The following PRSS37 variants were observed in gnomAD, a reference collection of about 807,000 sequenced individuals.
PRSS37 encodes probable inactive serine protease 37.
A neutral mutation model predicts 28.0 loss-of-function variants in PRSS37; 25 were observed. The ratio of observed to expected loss-of-function variants is 0.89; its 90% confidence interval spans 0.65 to 1.25. PRSS37 has a LOEUF of 1.25. PRSS37 is among the 50% of genes most tolerant of loss of function. The probability of loss-of-function intolerance (pLI) is 0.00; values close to 1 mark genes in which losing one functional copy is unlikely to be tolerated. For synonymous variants in PRSS37, 109 were observed against 107.8 expected (o/e 1.01, Z -0.07); for missense variants, 282 against 292.2 (o/e 0.97, Z 0.25).
Position 141,841,028 on chromosome 7 carries a change from C to T in PRSS37, c.22G>A (p.Gly8Ser). Residue 8 changes from glycine (G) to serine (S), a missense_variant, in exon 1 of 5, where the codon GGT (glycine) becomes AGT (serine). Coordinates refer to ENST00000350549, the MANE Select transcript of PRSS37 (RefSeq NM_001008270.3). MKYVFYL[G>S]VLAGTFFFAD... ...CTTGAGTACATACCAGCGAGGACACCCAAATAGAAGACATATTTCATGGTG... is the reference window on the plus strand; with the variant it reads ...CTTGAGTACATACCAGCGAGGACACTCAAATAGAAGACATATTTCATGGTG... The T allele has an allele frequency of 6.2e-7, 1 of 1,613,746 alleles. No homozygotes were observed. Among genetic ancestry groups the T allele is most frequent in the Non-Finnish European group, 8.5e-7 (1 of 1,179,732 alleles).
At chr7:141,839,696 A>G (rs1178365916) in intron 1 of PRSS37, among the ~76,000 whole-genome samples, 1 of 152,152 alleles carries the variant, frequency 6.6e-6, no homozygotes, top group Non-Finnish European at 1.5e-5. Context: ...ATAATATTCA[A>G]TCTAAGAGAG....
In PRSS37 at chr7:141,841,215, G is replaced by C; in HGVS notation, c.-166C>G. 6.9e-7 allele frequency: 1 copy of C among 1,440,430 alleles called. No homozygotes were observed. The highest frequency in any genetic ancestry group is 9.2e-7 in the Non-Finnish European group (1 of 1,085,294). 89.2% of individuals were successfully genotyped at this position (1,440,430 alleles called of 1,614,324 possible). ...CAGCTCTGGGCATAAACAGGGGAGG[G>C]AGATGGCTTCAGAGAGACAGATGAA... On this transcript the variant is annotated 5_prime_UTR_variant, in exon 1 of 5. Transcript: ENST00000350549.
Position 141,838,095 on chromosome 7 carries a change from C to T in PRSS37, c.195G>A (p.Leu65=). The T allele has an allele frequency of 1.9e-6, 3 of 1,614,042 alleles. No homozygotes were observed. The highest frequency in any genetic ancestry group is 2.2e-5 in the South Asian group (2 of 91,074). ...CTCTGACTCTGCTCTTGAAATTTCC[C>T]AGCATCACTTTCAGATTTCTGGAGG... ...HCYLPNLKVM[L]GNFKSRVRDG... The change falls in exon 3 of 5, where the codon CTG becomes CTA. Residue 65 remains leucine, a synonymous_variant. Coordinates refer to ENST00000350549, the MANE Select transcript of PRSS37 (RefSeq NM_001008270.3).
At position 141,836,423 on chromosome 7, in the gene PRSS37, C is replaced by T; in HGVS notation, c.680G>A (p.Trp227Ter). The T allele has an allele frequency of 6.2e-7, 1 of 1,614,130 alleles. No homozygotes were observed. The change falls in exon 5 of 5, where the codon TGG becomes TAG. Residue 227 changes from tryptophan to a stop codon, truncating the protein, a stop_gained. Transcript: ENST00000350549. LOFTEE classifies it high-confidence loss of function. ...CTTGTCCTTAGCAGTGTTCTCAATC[C>T]AGGATACATATTTGTAAACATTGGT... is the stretch of plus-strand genomic sequence containing the variant. ...IYTNVYKYVS[W>*]IENTAKDK is the part of the protein sequence containing the mutation.
intron 2 of PRSS37, 23 bp downstream of exon 2, chr7:141,839,315 A>G: frequency 6.2e-7 from 1 of 1,612,424 alleles, no homozygotes; most frequent in Non-Finnish European, 8.5e-7. Context: ...TGTTTTGGGG[A>G]TGGGGATGCC....
chr7:141,839,551 G>T (rs1801090866), intron 1 of PRSS37, 72 bp from the exon 2 acceptor site: 5 of 1,207,662 alleles, frequency 4.1e-6, no homozygotes, highest in Non-Finnish European at 5.9e-6. Context: ...ACTTGAAAAG[G>T]AATCTGGATG....
rs1337742431 is a variant in PRSS37 at position 141,836,669 on chromosome 7, CAG to C, written c.568-136_568-135del. 7 of 929,242 alleles carry C rather than the reference CAG, an allele frequency of 7.5e-6. No homozygotes were observed. In the Admixed American group the frequency reaches 8.6e-5, roughly 11 times the overall value. The allele number at this position is 929,242 out of a possible 1,614,324, so 57.6% of individuals were successfully genotyped here. On this transcript the variant is annotated intron_variant, in intron 4 of 4. Coordinates refer to ENST00000350549, the MANE Select transcript of PRSS37 (RefSeq NM_001008270.3). ...TGGACTCTTGAAAAGAGCACCGAATCAGGGGACAGGATGCTTGAGCCTTTTTT... is the reference window on the plus strand; with the variant it reads ...TGGACTCTTGAAAAGAGCACCGAATCGGGACAGGATGCTTGAGCCTTTTTT...
intron 2 of PRSS37, 76 bp downstream of exon 2, chr7:141,839,262 G>A: frequency 6.7e-7 from 1 of 1,483,814 alleles, no homozygotes; most frequent in Non-Finnish European, 9.3e-7. Context: ...CTGTAGAGAA[G>A]TTACCCTTAT....
intron 3 of PRSS37, 86 bp from the exon 4 acceptor site, chr7:141,837,334 A>G: frequency 3.4e-6 from 5 of 1,449,298 alleles, no homozygotes; most frequent in Non-Finnish European, 4.7e-6. Flanking sequence ...TTCAACTGGT[A>G]TCTTTTTGTG....
In PRSS37 at chr7:141,836,438, T is replaced by TA; in HGVS notation, c.664dup (p.Tyr222LeufsTer8). 1 of 1,614,168 alleles carries TA rather than the reference T, an allele frequency of 6.2e-7. No homozygotes were observed. The highest frequency in any genetic ancestry group is 8.5e-7 in the Non-Finnish European group (1 of 1,180,018). On this transcript the variant is annotated frameshift_variant, in exon 5 of 5. Transcript: ENST00000350549. LOFTEE classifies it high-confidence loss of function. Reference sequence around the variant, plus strand: ...GTTCTCAATCCAGGATACATATTTGTAAACATTGGTGTAGATGCCGACGTC... The same window carrying TA: ...GTTCTCAATCCAGGATACATATTTGTAAAACATTGGTGTAGATGCCGACGTC...
At chr7:141,837,634 C>T in intron 3 of PRSS37, 1 of 1,519,328 alleles carries the variant, frequency 6.6e-7, no homozygotes, top group South Asian at 1.2e-5. Flanking sequence ...GGCCTGGTGG[C>T]TCCAGCTGCC....
In PRSS37 at chr7:141,837,850, G is replaced by T. The variant is rs756260293; in HGVS notation, c.430+10C>A. 6.2e-7 allele frequency: 1 copy of T among 1,604,190 alleles called. No individual in the cohort carries two copies. Among genetic ancestry groups the T allele is most frequent in the Non-Finnish European group, 8.5e-7 (1 of 1,173,592 alleles). On this transcript the variant is annotated intron_variant, in intron 3 of 4. Transcript: ENST00000350549. ...TGATGACCCTGATTTGCTGTGGAAG[G>T]CACACTTACCACTGTTTTCTTGGCT...
rs1256579527 is a variant in PRSS37 at position 141,840,944 on chromosome 7, A to G, written c.34+72T>C. 4 of 1,491,384 alleles carry G rather than the reference A, an allele frequency of 2.7e-6. No individual in the cohort carries two copies. In the African/African-American group the frequency reaches 4.2e-5, roughly 16 times the overall value. The allele number at this position is 1,491,384 out of a possible 1,614,324, so 92.4% of individuals were successfully genotyped here. A position where few individuals can be genotyped will look rare whatever the true frequency, so the allele number is the denominator to read the frequency against. ...TGACTCTTTTTCTGCACCCTTCGCA[A>G]TCCTGCCTCTGTCTCACCCCATCCA... On this transcript the variant is annotated intron_variant, in intron 1 of 4. Transcript: ENST00000350549.
chr7:141,837,690 G>T, intron 3 of PRSS37, 170 bp downstream of exon 3: 1 of 1,536,174 alleles, frequency 6.5e-7, no homozygotes, highest in South Asian at 1.2e-5. Context: ...TGGGAAAGGA[G>T]GAGCTTTGTT....
rs192804204 is a variant in PRSS37, at chr7:141,841,233, C to G, written c.-184G>C. 41 of 1,325,800 alleles carry G rather than the reference C, an allele frequency of 3.1e-5. No homozygotes were observed. The highest frequency in any genetic ancestry group is 5.5e-4 in the Middle Eastern group (2 of 3,608). The allele number at this position is 1,325,800 out of a possible 1,614,324, so 82.1% of individuals were successfully genotyped here. ...GGGGAGGGAGATGGCTTCAGAGAGA[C>G]AGATGAAAGCCCTCTGTTCCAGGGA... On this transcript the variant is annotated 5_prime_UTR_variant, in exon 1 of 5. Transcript: ENST00000350549.
At chr7:141,838,863 G>A (rs913257562) in intron 2 of PRSS37, 29 of 406,028 alleles carry the variant, frequency 7.1e-5, no homozygotes, top group South Asian at 5.0e-4. Flanking sequence ...AACCCTGGTG[G>A]TATGGAACTA....
At chr7:141,837,630 G>A (rs1389874342) in intron 3 of PRSS37, 24 of 1,518,092 alleles carry the variant, frequency 1.6e-5, no homozygotes, top group Non-Finnish European at 2.1e-5. Flanking sequence ...AGATGGCCTG[G>A]TGGCTCCAGC....
chr7:141,836,407 A>G lies in PRSS37; in HGVS notation c.696T>C (p.Ala232=). Reference sequence around the variant, plus strand: ...GAGAAGTAGGGTCTCACTTGTCCTTAGCAGTGTTCTCAATCCAGGATACAT... The same window carrying G: ...GAGAAGTAGGGTCTCACTTGTCCTTGGCAGTGTTCTCAATCCAGGATACAT... ...YKYVSWIENT[A]KDK Residue 232 remains alanine, a synonymous_variant, in exon 5 of 5, where the codon GCT becomes GCC. Coordinates refer to ENST00000350549, the MANE Select transcript of PRSS37 (RefSeq NM_001008270.3). 6.2e-7 allele frequency: 1 copy of G among 1,614,172 alleles called. No individual in the cohort carries two copies.
chr7:141,837,716 C>G, intron 3 of PRSS37, 144 bp downstream of exon 3: 2 of 1,544,864 alleles, frequency 1.3e-6, no homozygotes, highest in Non-Finnish European at 1.8e-6. Flanking sequence ...GGGCAGGTCT[C>G]TGTTTGCCAG....
Sources: gnomAD v4.1 joint callset for allele counts (sites outside exome capture counted in the v4.1 genomes callset) on GRCh38, gnomAD v4.1.1 for gene constraint, MANE v1.5 for transcripts, NCBI Gene and HGNC (gene_info 2026-07-23, HGNC 2026-07-21) for gene names.